STK32B: variants seen among roughly 807,000 people sequenced by gnomAD.
The protein encoded by STK32B is serine/threonine-protein kinase 32B.
Under a neutral mutation model 52.6 loss-of-function variants are expected in STK32B, and 43 were observed. That is an observed-to-expected ratio of 0.82 (90% CI 0.64 to 1.05). The LOEUF (loss-of-function observed/expected upper bound fraction) is 1.05. Ranked by LOEUF, STK32B falls within the 50% of genes least tolerant of loss-of-function variation. The probability of loss-of-function intolerance (pLI) is 0.00; values close to 1 mark genes in which losing one functional copy is unlikely to be tolerated. For synonymous variants in STK32B, 238 were observed against 204.3 expected (o/e 1.17, Z -1.41); for missense variants, 621 against 534.6 (o/e 1.16, Z -1.59).
intron 3 of STK32B, among the ~76,000 whole-genome samples, chr4:5,209,109 G>A (rs1332148531): frequency 6.6e-6 from 1 of 152,232 alleles, no homozygotes; most frequent in Admixed American, 6.5e-5. Flanking sequence ...TCTGCACATG[G>A]AGAGATTCAG....
At chr4:5,303,664 C>T (rs1332745283) in intron 3 of STK32B, among the ~76,000 whole-genome samples, 3 of 152,056 alleles carry the variant, frequency 2.0e-5, no homozygotes, top group Non-Finnish European at 4.4e-5. Flanking sequence ...ATTTCTTTTG[C>T]TGTGCAGCAG....
chr4:5,383,682 C>G (rs1407692884), intron 4 of STK32B, among the ~76,000 whole-genome samples: 2 of 152,158 alleles, frequency 1.3e-5, no homozygotes, highest in Non-Finnish European at 2.9e-5. Context: ...GTTTCTGAAA[C>G]CACTAGGCAG....
intron 4 of STK32B, among the ~76,000 whole-genome samples, chr4:5,348,658 A>T (rs1359162111): frequency 3.3e-5 from 5 of 152,062 alleles, no homozygotes; most frequent in Admixed American, 6.5e-5. Context: ...TCCCCACACT[A>T]CTCAGTAACA....
intron 3 of STK32B, among the ~76,000 whole-genome samples, chr4:5,278,956 C>T (rs1009933636): frequency 6.6e-6 from 1 of 152,138 alleles, no homozygotes; most frequent in Non-Finnish European, 1.5e-5. Context: ...CCCCATGATC[C>T]AGTCACCTCC....
At chr4:5,146,998 A>G (rs1170884464) in intron 2 of STK32B, among the ~76,000 whole-genome samples, 1 of 152,204 alleles carries the variant, frequency 6.6e-6, no homozygotes, top group Admixed American at 6.5e-5. Context: ...TTTGGAAATA[A>G]TTATATCTTA....
intron 6 of STK32B, among the ~76,000 whole-genome samples, chr4:5,441,987 G>C (rs1410110460): frequency 1.6e-5 from 2 of 121,240 alleles, no homozygotes; most frequent in East Asian, 2.6e-4. Flanking sequence ...TATAATTTCT[G>C]TTCTTTTACA....
At chr4:5,312,886 A>G (rs1730401181) in intron 3 of STK32B, among the ~76,000 whole-genome samples, 1 of 152,098 alleles carries the variant, frequency 6.6e-6, no homozygotes, top group Non-Finnish European at 1.5e-5. Context: ...TGGATGGTTG[A>G]ACTAGTTTAC....
At chr4:5,471,421 C>T (rs1381990262) in intron 11 of STK32B, among the ~76,000 whole-genome samples, 1 of 152,090 alleles carries the variant, frequency 6.6e-6, no homozygotes, top group African/African-American at 2.4e-5. Context: ...AGCCAACGAG[C>T]ACCCAGCATT....
At chr4:5,040,388 A>ATTTTTTTTT in the STK32B span, among the ~76,000 whole-genome samples, 1 of 118,732 alleles carries the variant, frequency 8.4e-6, no homozygotes. Context: ...TGGCAGTAGA[A>ATTTTTTTTT]TTTTTTTTTT....
At chr4:5,207,968 G>A (rs1448056586) in intron 3 of STK32B, among the ~76,000 whole-genome samples, 1 of 152,096 alleles carries the variant, frequency 6.6e-6, no homozygotes. Flanking sequence ...CTGGTTTGAT[G>A]TTGTGTTACA....
intron 5 of STK32B, among the ~76,000 whole-genome samples, chr4:5,408,745 C>T (rs1339054278): frequency 6.6e-6 from 1 of 152,038 alleles, no homozygotes; most frequent in African/African-American, 2.4e-5. Flanking sequence ...TGTGACCTAG[C>T]CCCTGTCTTC....
chr4:5,456,687 CA>C (rs1716550140), intron 7 of STK32B, 119 bp from the exon 8 acceptor site: 1 of 925,206 alleles, frequency 1.1e-6, no homozygotes. Flanking sequence ...GAAAGAGAAG[CA>C]CCCACTGTTA....
intron 3 of STK32B, among the ~76,000 whole-genome samples, chr4:5,283,358 T>TTA (rs1728332153): frequency 1.3e-5 from 2 of 151,974 alleles, no homozygotes; most frequent in African/African-American, 4.8e-5. Context: ...GCCATGGGAA[T>TTA]TATGAGACAC....
intron 3 of STK32B, among the ~76,000 whole-genome samples, chr4:5,170,114 T>C (rs932412477): frequency 1.3e-5 from 2 of 152,188 alleles, no homozygotes; most frequent in Non-Finnish European, 2.9e-5. Context: ...TCATGTGGGT[T>C]ACTTGGGCTG....
intron 3 of STK32B, among the ~76,000 whole-genome samples, chr4:5,280,865 C>T (rs1042962161): frequency 1.3e-5 from 2 of 152,094 alleles, no homozygotes; most frequent in African/African-American, 4.8e-5. Context: ...TACCACTGCA[C>T]TCCAGCCTGG....
At chr4:5,210,105 A>G (rs1722817144) in intron 3 of STK32B, among the ~76,000 whole-genome samples, 2 of 152,232 alleles carry the variant, frequency 1.3e-5, no homozygotes, top group Admixed American at 1.3e-4. Context: ...ACAGCTCAGC[A>G]CATATGCAAT....
intron 1 of STK32B, among the ~76,000 whole-genome samples, chr4:5,056,794 G>A (rs1260726054): frequency 2.6e-5 from 4 of 152,300 alleles, no homozygotes; most frequent in East Asian, 1.9e-4. Context: ...TGGATTCAGG[G>A]GGTAGAGTCA....
intron 3 of STK32B, among the ~76,000 whole-genome samples, chr4:5,265,098 G>C (rs1726976413): frequency 6.6e-6 from 1 of 152,056 alleles, no homozygotes; most frequent in Admixed American, 6.6e-5. Context: ...TTTGTCAATG[G>C]TGTGAAGTAG....
At chr4:5,232,617 G>C (rs185011766) in intron 3 of STK32B, among the ~76,000 whole-genome samples, 3 of 152,368 alleles carry the variant, frequency 2.0e-5, no homozygotes, top group Non-Finnish European at 4.4e-5. Flanking sequence ...CTAGAAGGCA[G>C]ACCCTTCAGG....
Sources: gnomAD v4.1 joint callset for allele counts (sites outside exome capture counted in the v4.1 genomes callset) on GRCh38, gnomAD v4.1.1 for gene constraint, MANE v1.5 for transcripts, NCBI Gene and HGNC (gene_info 2026-07-23, HGNC 2026-07-21) for gene names.